Variants in KCNK1 observed in about 807,000 individuals in gnomAD.
KCNK1 encodes the protein potassium two pore domain channel subfamily K member 1, also known as potassium channel subfamily K member 1.
A neutral mutation model predicts 22.2 loss-of-function variants in KCNK1; 10 were observed. That is an observed-to-expected ratio of 0.45 (90% CI 0.28 to 0.76). KCNK1 has a LOEUF of 0.76. KCNK1 is among the 30% of genes least tolerant of loss of function. The pLI is 0.14. For missense variants in KCNK1, 378 were observed against 421.0 expected (o/e 0.90, Z 0.89); for synonymous variants, 200 against 186.4 (o/e 1.07, Z -0.60).
intron 1 of KCNK1, among the ~76,000 whole-genome samples, chr1:233,652,818 T>C (rs567190654): frequency 4.6e-5 from 7 of 152,236 alleles, no homozygotes; most frequent in Non-Finnish European, 1.0e-4. Flanking sequence ...TTCTAGGCCA[T>C]GCTGGTGGAC....
intron 1 of KCNK1, among the ~76,000 whole-genome samples, chr1:233,625,699 G>A (rs1053428091): frequency 6.6e-6 from 1 of 152,144 alleles, no homozygotes; most frequent in Non-Finnish European, 1.5e-5. Context: ...TATGGTGAAG[G>A]GGGCAGAGTC....
rs181469653 is a variant in KCNK1, at chr1:233,641,783, C to T, written c.356-24812C>T. On this transcript the variant is annotated intron_variant, in intron 1 of 2. Coordinates refer to ENST00000366621, the MANE Select transcript of KCNK1 (RefSeq NM_002245.4). ...GCAGTGCATGTCCCATGAGAGAAACCTCATGAATGGTAACTCAAAGCAGTG... is the reference window on the plus strand; with the variant it reads ...GCAGTGCATGTCCCATGAGAGAAACTTCATGAATGGTAACTCAAAGCAGTG... Among the ~76,000 whole-genome samples, 258 of 152,308 alleles carry T rather than the reference C, an allele frequency of 1.7e-3. 1 individual carries two copies. Among genetic ancestry groups the T allele is most frequent in the African/African-American group, 6.1e-3 (255 of 41,574 alleles).
intron 1 of KCNK1, among the ~76,000 whole-genome samples, chr1:233,662,866 G>C (rs2102908921): frequency 6.6e-6 from 1 of 152,234 alleles, no homozygotes; most frequent in East Asian, 1.9e-4. Context: ...AAAATTATGT[G>C]ATGACTGGCC....
intron 1 of KCNK1, among the ~76,000 whole-genome samples, chr1:233,631,038 A>G (rs1410331785): frequency 6.6e-6 from 1 of 152,220 alleles, no homozygotes; most frequent in Non-Finnish European, 1.5e-5. Flanking sequence ...CAAAAGAGCT[A>G]CTTAAAACAA....
chr1:233,664,203 A>C (rs1190291806), intron 1 of KCNK1, among the ~76,000 whole-genome samples: 4 of 152,106 alleles, frequency 2.6e-5, no homozygotes, highest in Admixed American at 6.6e-5. Context: ...CAATCATCGG[A>C]TCATCCCTCC....
At chr1:233,639,874 G>C (rs1379174454) in intron 1 of KCNK1, among the ~76,000 whole-genome samples, 1 of 152,224 alleles carries the variant, frequency 6.6e-6, no homozygotes, top group Non-Finnish European at 1.5e-5. Flanking sequence ...CACCTGGTGG[G>C]ACTCCTCTGT....
intron 1 of KCNK1, among the ~76,000 whole-genome samples, chr1:233,623,372 CT>C (rs1040763230): frequency 3.3e-5 from 5 of 152,082 alleles, no homozygotes; most frequent in Admixed American, 6.6e-5. Context: ...GTCTATACCA[CT>C]GTAGAATGAC....
At chr1:233,654,361 C>A (rs809056) in intron 1 of KCNK1, among the ~76,000 whole-genome samples, 108,256 of 151,886 alleles carry the variant, frequency 0.71, 38,703 homozygotes, top group Admixed American at 0.78. Context: ...TAAAAGAAAA[C>A]AAATTTTTTT....
intron 1 of KCNK1, among the ~76,000 whole-genome samples, chr1:233,643,080 C>T (rs898938968): frequency 2.0e-5 from 3 of 151,936 alleles, no homozygotes; most frequent in Admixed American, 6.6e-5. Flanking sequence ...TGTGCCCAGC[C>T]TCTTGGTGCC....
chr1:233,658,640 A>G (rs531923339), intron 1 of KCNK1, among the ~76,000 whole-genome samples: 11 of 152,224 alleles, frequency 7.2e-5, no homozygotes, highest in Non-Finnish European at 1.3e-4. Flanking sequence ...TCATTGTGTG[A>G]ACAACGTAGA....
intron 1 of KCNK1, among the ~76,000 whole-genome samples, chr1:233,634,272 C>G (rs953801040): frequency 1.3e-5 from 2 of 150,318 alleles, no homozygotes; most frequent in Admixed American, 6.6e-5. Context: ...CGCCACTGCA[C>G]TCCAGCCTGG....
At chr1:233,646,420 G>A (rs1571898555) in intron 1 of KCNK1, among the ~76,000 whole-genome samples, 1 of 152,128 alleles carries the variant, frequency 6.6e-6, no homozygotes, top group Non-Finnish European at 1.5e-5. Context: ...GGATCTAGAC[G>A]GAATCACGCA....
intron 1 of KCNK1, among the ~76,000 whole-genome samples, chr1:233,619,184 A>AT (rs201800884): frequency 4.4e-4 from 67 of 150,696 alleles, no homozygotes; most frequent in African/African-American, 1.5e-3. Flanking sequence ...CACCTGGCCA[A>AT]TTTTTTTTTC....
chr1:233,621,220 G>A (rs1197303606), intron 1 of KCNK1, among the ~76,000 whole-genome samples: 1 of 152,150 alleles, frequency 6.6e-6, no homozygotes, highest in Non-Finnish European at 1.5e-5. Context: ...ATAAAATGAG[G>A]CCACAGTGAG....
intron 1 of KCNK1, among the ~76,000 whole-genome samples, 180 bp from the exon 2 acceptor site, chr1:233,666,415 C>G (rs1377620604): frequency 1.3e-5 from 2 of 152,216 alleles, no homozygotes; most frequent in African/African-American, 4.8e-5. Flanking sequence ...ATGGTGACCA[C>G]TGTTGAATTT....
intron 2 of KCNK1, among the ~76,000 whole-genome samples, chr1:233,669,980 C>T (rs1225601098): frequency 6.6e-6 from 1 of 152,116 alleles, no homozygotes; most frequent in Admixed American, 6.5e-5. Flanking sequence ...TTCCTTATTC[C>T]TGTTATGCTG....
At chr1:233,655,905 A>G (rs701233) in intron 1 of KCNK1, 66,487 of 140,548 alleles carry the variant, frequency 0.47, 15,269 homozygotes, top group Middle Eastern at 0.55. Flanking sequence ...GTAAAGTGGG[A>G]AAAAAAAAAA....
intron 1 of KCNK1, chr1:233,631,412 G>A (rs148519906): frequency 4.7e-6 from 2 of 428,496 alleles, no homozygotes; most frequent in East Asian, 7.2e-5. Flanking sequence ...AGGATTTTAA[G>A]CTCAACGGTT....
chr1:233,653,733 C>T (rs995031834), intron 1 of KCNK1, among the ~76,000 whole-genome samples: 1 of 152,078 alleles, frequency 6.6e-6, no homozygotes, highest in African/African-American at 2.4e-5. Flanking sequence ...CACCGGCTTT[C>T]CTGGTTCTTC....
Sources: allele counts gnomAD v4.1 joint callset (sites outside exome capture counted in the v4.1 genomes callset), GRCh38; gene constraint gnomAD v4.1.1; transcripts MANE v1.5; gene names NCBI Gene and HGNC (gene_info 2026-07-23, HGNC 2026-07-21).